The following PRKAB2 variants were observed in gnomAD, a reference collection of about 807,000 sequenced individuals.
PRKAB2 encodes the protein 5'-AMP-activated protein kinase subunit beta-2.
PRKAB2 carries 18 observed loss-of-function variants against 29.8 expected under a neutral mutation model. That is an observed-to-expected ratio of 0.60 (90% confidence interval 0.42 to 0.89). The LOEUF is 0.89. Among genes scored for constraint, PRKAB2 ranks in the 40% least tolerant of loss-of-function variants. PRKAB2 has a pLI of 0.00. For missense variants in PRKAB2, 270 were observed against 344.3 expected (o/e 0.78, Z 1.71); for synonymous variants, 136 against 125.9 (o/e 1.08, Z -0.54).
Position 147,162,552 on chromosome 1 carries a change from C to A in PRKAB2, c.560G>T (p.Gly187Val), listed in dbSNP as rs1553913204. 3 of 1,610,442 alleles carry A rather than the reference C, an allele frequency of 1.9e-6. No homozygotes were observed. In the South Asian group the frequency reaches 3.3e-5, roughly 18 times the overall value. Residue 187 changes from glycine to valine, a missense_variant, in exon 6 of 8, where the codon GGG (glycine) becomes GTG (valine). This residue lies in a region of PRKAB2 where 228 missense variants were observed against 255.5 expected (regional missense o/e 0.89). Transcript: ENST00000254101. ...SCRDLSSSPP[G>V]PYGQEMYAFR... ...CGCATACATTTCTTGACCATAAGGC[C>A]CTGGGGGTGAGCTGGAAAGGTCTGA... is the stretch of plus-strand genomic sequence containing the variant.
chr1:147,170,608 G>A lies in PRKAB2; in HGVS notation c.156+1381C>T, dbSNP rs1654477470. Among the ~76,000 whole-genome samples the A allele has an allele frequency of 2.1e-5, 3 of 144,630 alleles. 1 individual carries two copies. Among genetic ancestry groups the A allele is most frequent in the African/African-American group, 7.9e-5 (3 of 38,094 alleles). The allele number at this position is 144,630 out of a possible 152,430, so 94.9% of individuals were successfully genotyped here. On this transcript the variant is annotated intron_variant, in intron 2 of 7. Coordinates refer to ENST00000254101, the MANE Select transcript of PRKAB2 (RefSeq NM_005399.5). ...TTTTGTTTTTTTGTTTTTTTGTTTT[G>A]AGAGTCTGTCACCCAGGCTGGAGTG...
At chr1:147,163,951 T>C (rs926099624) in intron 5 of PRKAB2, among the ~76,000 whole-genome samples, 1 of 152,166 alleles carries the variant, frequency 6.6e-6, no homozygotes, top group Non-Finnish European at 1.5e-5. Flanking sequence ...TGTTTCTTTT[T>C]TGAGAGAGGG....
intron 2 of PRKAB2, among the ~76,000 whole-genome samples, chr1:147,170,683 G>A (rs1654482180): frequency 6.6e-6 from 1 of 151,980 alleles, no homozygotes; most frequent in Admixed American, 6.5e-5. Context: ...GGGTTCAAGC[G>A]ATTCTCCTGC....
chr1:147,161,251 A>G (rs868975515), intron 7 of PRKAB2, among the ~76,000 whole-genome samples: 8 of 152,318 alleles, frequency 5.3e-5, no homozygotes, highest in Middle Eastern at 3.4e-3. Context: ...ATCTGGTCAC[A>G]TCTCTCCTTT....
Position 147,157,555 on chromosome 1 carries a change from T to A in PRKAB2, c.*2010A>T, listed in dbSNP as rs1432273037. The A allele has an allele frequency of 3.9e-5, 6 of 152,292 alleles. No homozygotes were observed. Among genetic ancestry groups the A allele is most frequent in the South Asian group, 2.1e-4 (1 of 4,826 alleles). 9.4% of individuals were successfully genotyped at this position (152,292 alleles called of 1,614,324 possible). On this transcript the variant is annotated 3_prime_UTR_variant, in exon 8 of 8. Transcript: ENST00000254101. ...CACCTGTGTGGAGTAAAAATTTTCA[T>A]ACATGAACACATACATATTACATTT...
chr1:147,160,863 A>G (rs1553912982), intron 7 of PRKAB2: 1 of 152,058 alleles, frequency 6.6e-6, no homozygotes, highest in East Asian at 1.9e-4. Context: ...AATACTTACA[A>G]CGTTATTATA....
chr1:147,166,307 A>G (rs1654245965), intron 5 of PRKAB2, among the ~76,000 whole-genome samples, 191 bp downstream of exon 5: 2 of 152,152 alleles, frequency 1.3e-5, no homozygotes, highest in Admixed American at 6.6e-5. Context: ...CTTGTGTTAC[A>G]ATGTGTGTGT....
chr1:147,163,161 C>T (rs1226053801), intron 5 of PRKAB2, among the ~76,000 whole-genome samples: 2 of 152,182 alleles, frequency 1.3e-5, no homozygotes, highest in South Asian at 4.2e-4. Flanking sequence ...CTCACTAGGA[C>T]AGCTAAAATC....
In PRKAB2 at chr1:147,167,888, C is replaced by G. The variant is rs1553913881; in HGVS notation, c.202G>C (p.Asp68His). ...GCCTGCTGTGTGGGCTTTACGGAGT[C>G]CTCCAAATCCTGCTGCCATGATACA... is the stretch of plus-strand genomic sequence containing the variant. ...EFVSWQQDLE[D>H]SVKPTQQARP... The change falls in exon 3 of 8, where the codon GAC (aspartate) becomes CAC (histidine). Residue 68 changes from aspartate (D) to histidine (H), a missense_variant. Asp to His is a moderately conservative substitution (Grantham distance 81). Around this residue, in one of 2 missense-constraint regions of PRKAB2, gnomAD observed 228 missense variants for 255.5 expected, o/e 0.89. Coordinates refer to ENST00000254101, the MANE Select transcript of PRKAB2 (RefSeq NM_005399.5). 1.2e-6 allele frequency: 2 copies of G among 1,614,034 alleles called. No individual in the cohort carries two copies. The highest frequency in any genetic ancestry group is 1.7e-6 in the Non-Finnish European group (2 of 1,179,962).
Position 147,158,096 on chromosome 1 carries a change from T to C in PRKAB2, c.*1469A>G, listed in dbSNP as rs962960373. ...ACAGTTTAGCCTCCTTTAGTGTTGATTATTTGACTTATCTGCAAAATGGAA... is the reference window on the plus strand; with the variant it reads ...ACAGTTTAGCCTCCTTTAGTGTTGACTATTTGACTTATCTGCAAAATGGAA... On this transcript the variant is annotated 3_prime_UTR_variant, in exon 8 of 8. Coordinates refer to ENST00000254101, the MANE Select transcript of PRKAB2 (RefSeq NM_005399.5). 6 of 152,132 alleles carry C rather than the reference T, an allele frequency of 3.9e-5. No homozygotes were observed. Among genetic ancestry groups the C allele is most frequent in the African/African-American group, 1.2e-4 (5 of 41,420 alleles). 9.4% of individuals were successfully genotyped at this position (152,132 alleles called of 1,614,324 possible).
chr1:147,156,864 G>T lies in PRKAB2; in HGVS notation c.*2701C>A, dbSNP rs1222680396. 1 of 152,068 alleles carries T rather than the reference G, an allele frequency of 6.6e-6. No homozygotes were observed. The highest frequency in any genetic ancestry group is 2.4e-5 in the African/African-American group (1 of 41,412). 9.4% of individuals were successfully genotyped at this position (152,068 alleles called of 1,614,324 possible). A position where few individuals can be genotyped will look rare whatever the true frequency, so the allele number is the denominator to read the frequency against. ...CCAAGGACACCACCATGTGGTGTCT[G>T]ATTTAATTTCTTTTTAAAAGAGATC... On this transcript the variant is annotated 3_prime_UTR_variant, in exon 8 of 8. Coordinates refer to ENST00000254101, the MANE Select transcript of PRKAB2 (RefSeq NM_005399.5).
At chr1:147,170,688 T>G (rs1487481186) in intron 2 of PRKAB2, among the ~76,000 whole-genome samples, 1 of 152,134 alleles carries the variant, frequency 6.6e-6, no homozygotes, top group Non-Finnish European at 1.5e-5. Flanking sequence ...CAAGCGATTC[T>G]CCTGCCTCAG....
chr1:147,169,522 G>A lies in PRKAB2; in HGVS notation c.157-1589C>T, dbSNP rs78153241. Among the ~76,000 whole-genome samples the A allele has an allele frequency of 6.3e-3, 957 of 152,110 alleles. 13 individuals are homozygous for A. Among genetic ancestry groups the A allele is most frequent in the African/African-American group, 0.022 (898 of 41,488 alleles). ...GCTTTCTAGATAACACTGTGATTAT[G>A]TTAAAATAAAGGAAAAAAAGCTTCC... On this transcript the variant is annotated intron_variant, in intron 2 of 7. Coordinates refer to ENST00000254101, the MANE Select transcript of PRKAB2 (RefSeq NM_005399.5).
rs192338142 is a variant in PRKAB2, at chr1:147,166,726, C to T, written c.418-108G>A. ...TACACGATTGTTCTCAGCACCTCCA[C>T]GTTTTATCAAGAGAGAAATCCTCCA... is the stretch of plus-strand genomic sequence containing the variant. On this transcript the variant is annotated intron_variant, in intron 4 of 7. Transcript: ENST00000254101. 17 of 1,554,618 alleles carry T rather than the reference C, an allele frequency of 1.1e-5. No individual in the cohort carries two copies. In the East Asian group the frequency reaches 1.4e-4, roughly 12 times the overall value.
intron 5 of PRKAB2, among the ~76,000 whole-genome samples, chr1:147,164,255 G>C (rs967630977): frequency 6.6e-6 from 1 of 152,130 alleles, no homozygotes; most frequent in Non-Finnish European, 1.5e-5. Flanking sequence ...CTAAGTTCCA[G>C]TGTTCCGTTG....
At position 147,172,409 on chromosome 1, in the gene PRKAB2, G is replaced by T; in HGVS notation, c.-24+20C>A. 1 of 538,056 alleles carries T rather than the reference G, an allele frequency of 1.9e-6. No individual in the cohort carries two copies. 33.3% of individuals were successfully genotyped at this position (538,056 alleles called of 1,614,324 possible). ...CCGCGTCCCCGCGCTCACTGCCAGG[G>T]GCGCCCCCACTCCAGTCACCTCGGG... On this transcript the variant is annotated intron_variant, in intron 1 of 7. Coordinates refer to ENST00000254101, the MANE Select transcript of PRKAB2 (RefSeq NM_005399.5).
At position 147,155,679 on chromosome 1, in the gene PRKAB2, A is replaced by T. The variant is rs929204036; in HGVS notation, c.*3886T>A. 5.2e-5 allele frequency: 8 copies of T among 152,614 alleles called. No homozygotes were observed. The highest frequency in any genetic ancestry group is 8.8e-5 in the Non-Finnish European group (6 of 68,022). 9.5% of individuals were successfully genotyped at this position (152,614 alleles called of 1,614,324 possible). On this transcript the variant is annotated 3_prime_UTR_variant, in exon 8 of 8. Coordinates refer to ENST00000254101, the MANE Select transcript of PRKAB2 (RefSeq NM_005399.5). The stretch of plus-strand genomic sequence containing the variant: ...TAGTATTTCACACCAATCTTACTGC[A>T]AAAGTGCTGTGCTACATACAATCAA...
chr1:147,166,197 A>T (rs1553913658), intron 5 of PRKAB2, among the ~76,000 whole-genome samples: 1 of 152,208 alleles, frequency 6.6e-6, no homozygotes, highest in African/African-American at 2.4e-5. Flanking sequence ...TACTAGAAAC[A>T]GCTTTTCAAA....
At position 147,159,622 on chromosome 1, in the gene PRKAB2, G is replaced by A. The variant is rs782700080; in HGVS notation, c.762C>T (p.Ser254=). The change falls in exon 8 of 8, where the codon AGC becomes AGT. Residue 254 remains serine (S), a synonymous_variant. Transcript: ENST00000254101. Reference sequence around the variant, plus strand: ...ACTTCTTCTTGTAGCGATGGGTTGCGCTAAGGACCATCACACTGTCCTGCA... The same window carrying A: ...ACTTCTTCTTGTAGCGATGGGTTGCACTAAGGACCATCACACTGTCCTGCA... The part of the protein sequence containing the change: ...LSIKDSVMVL[S]ATHRYKKKYV... 2.0e-5 allele frequency: 33 copies of A among 1,613,294 alleles called. No homozygotes were observed. The highest frequency in any genetic ancestry group is 5.3e-5 in the African/African-American group (4 of 74,856).
Sources: allele counts gnomAD v4.1 joint callset (sites outside exome capture counted in the v4.1 genomes callset), GRCh38; gene constraint gnomAD v4.1.1; regional missense constraint gnomAD v4.1.1; transcripts MANE v1.5; gene names NCBI Gene and HGNC (gene_info 2026-07-23, HGNC 2026-07-21).